The following DHRSX variants were observed in gnomAD, a reference collection of about 807,000 sequenced individuals.
DHRSX encodes the protein polyprenol dehydrogenase.
In DHRSX, 31 loss-of-function variants were observed where a neutral mutation model predicts 34.0. The ratio of observed to expected loss-of-function variants is 0.91; its 90% CI spans 0.69 to 1.23. The LOEUF (loss-of-function observed/expected upper bound fraction) is 1.23. Among genes scored for constraint, DHRSX ranks in the 50% most tolerant of loss-of-function variants. The probability of loss-of-function intolerance (pLI) is 0.00; values close to 1 mark genes in which losing one functional copy is unlikely to be tolerated. For synonymous variants in DHRSX, 201 were observed against 183.8 expected, an observed-to-expected ratio of 1.09 and a Z score of -0.76; for missense variants, 414 against 428.1, an observed-to-expected ratio of 0.97 and a Z score of 0.29.
At chrX:2,334,237 C>T (rs2042522486) in intron 3 of DHRSX, 1 of 139,278 alleles carries the variant, frequency 7.2e-6, no homozygotes, top group Admixed American at 7.6e-5. Flanking sequence ...GATCTTGGCT[C>T]ACTGCAACCT....
intron 3 of DHRSX, among the ~76,000 whole-genome samples, chrX:2,352,616 C>A (rs1423692585): frequency 6.6e-6 from 1 of 152,142 alleles, no homozygotes; most frequent in Non-Finnish European, 1.5e-5. Flanking sequence ...TGTCTGCAGG[C>A]GTAGCTGCTG....
intron 2 of DHRSX, among the ~76,000 whole-genome samples, chrX:2,410,735 A>G (rs4892850): frequency 0.78 from 119,256 of 152,172 alleles, 47,821 homozygotes; most frequent in African/African-American, 0.95. Flanking sequence ...AAATATATAA[A>G]AGAGGAGAAG....
intron 1 of DHRSX, among the ~76,000 whole-genome samples, chrX:2,445,023 G>A (rs1028546381): frequency 4.3e-4 from 66 of 152,070 alleles, no homozygotes; most frequent in African/African-American, 1.5e-3. Context: ...TGGGCCTGGT[G>A]GCGGACACCG....
At chrX:2,255,538 A>G (rs2041264872) in intron 5 of DHRSX, among the ~76,000 whole-genome samples, 1 of 152,224 alleles carries the variant, frequency 6.6e-6, no homozygotes, top group Non-Finnish European at 1.5e-5. Flanking sequence ...CCATGTTCAC[A>G]GTGAGGCACG....
intron 2 of DHRSX, among the ~76,000 whole-genome samples, chrX:2,413,580 AATAG>A (rs1255930006): frequency 2.0e-5 from 3 of 152,234 alleles, no homozygotes; most frequent in Non-Finnish European, 4.4e-5. Flanking sequence ...AAAATAAGTA[AATAG>A]ATAATTAAAT....
In DHRSX at chrX:2,393,787, AC is replaced by A. The variant is rs2043372906; in HGVS notation, c.286+14957del. On this transcript the variant is annotated intron_variant, in intron 3 of 6. Transcript: ENST00000334651. ...TCTCCTGGGCACACAACACCCAGGGACCTCCCTGTCTCCTGCACACACGACA... is the reference window on the plus strand; with the variant it reads ...TCTCCTGGGCACACAACACCCAGGGACTCCCTGTCTCCTGCACACACGACA... Among the ~76,000 whole-genome samples, 4 of 42,436 alleles carry A rather than the reference AC, an allele frequency of 9.4e-5. 1 individual carries two copies. The highest frequency in any genetic ancestry group is 3.6e-4 in the African/African-American group (4 of 11,050). 27.8% of individuals were successfully genotyped at this position (42,436 alleles called of 152,430 possible). A position where few individuals can be genotyped will look rare whatever the true frequency, so the allele number is the denominator to read the frequency against.
chrX:2,251,027 C>T (rs1390095478), intron 5 of DHRSX, among the ~76,000 whole-genome samples: 1 of 152,132 alleles, frequency 6.6e-6, no homozygotes, highest in Non-Finnish European at 1.5e-5. Flanking sequence ...GTGCAAAAGG[C>T]ATGTTTGAAT....
intron 1 of DHRSX, among the ~76,000 whole-genome samples, chrX:2,431,756 G>A (rs2043926259): frequency 6.6e-6 from 1 of 152,150 alleles, no homozygotes; most frequent in Non-Finnish European, 1.5e-5. Context: ...GCAATTCAAT[G>A]GGGCAAGGAA....
chrX:2,307,158 G>GC (rs1360122660), intron 3 of DHRSX, among the ~76,000 whole-genome samples: 8 of 152,050 alleles, frequency 5.3e-5, no homozygotes, highest in African/African-American at 1.9e-4. Context: ...CATGTTTTTA[G>GC]CAGCAACACA....
chrX:2,446,007 G>A (rs1328967389), intron 1 of DHRSX, among the ~76,000 whole-genome samples: 2 of 151,642 alleles, frequency 1.3e-5, no homozygotes, highest in Non-Finnish European at 2.9e-5. Flanking sequence ...TGCAGCCAAG[G>A]GACCGCTGCT....
intron 3 of DHRSX, among the ~76,000 whole-genome samples, chrX:2,347,469 G>A (rs1444534944): frequency 1.3e-5 from 2 of 152,150 alleles, no homozygotes; most frequent in Non-Finnish European, 2.9e-5. Context: ...CAACACAGGT[G>A]GATCACCTGA....
intron 3 of DHRSX, among the ~76,000 whole-genome samples, chrX:2,396,995 T>A (rs1339965333): frequency 6.6e-6 from 1 of 152,068 alleles, no homozygotes; most frequent in Non-Finnish European, 1.5e-5. Context: ...AGCTTCTTTT[T>A]ACTATTATTC....
intron 1 of DHRSX, among the ~76,000 whole-genome samples, chrX:2,465,503 T>C (rs2044478875): frequency 6.6e-6 from 1 of 151,866 alleles, no homozygotes; most frequent in African/African-American, 2.4e-5. Flanking sequence ...CAGCACCTCT[T>C]ATGAAAAGAA....
At chrX:2,263,827 A>C (rs1194065218) in intron 5 of DHRSX, among the ~76,000 whole-genome samples, 1 of 152,154 alleles carries the variant, frequency 6.6e-6, no homozygotes, top group Non-Finnish European at 1.5e-5. Context: ...ATTTTTTCTT[A>C]TATCAGCTTA....
intron 5 of DHRSX, among the ~76,000 whole-genome samples, chrX:2,245,915 T>C (rs1375682504): frequency 5.4e-5 from 8 of 148,504 alleles, no homozygotes; most frequent in African/African-American, 2.0e-4. Flanking sequence ...TGAGCTGAGA[T>C]TGTACCACTG....
intron 3 of DHRSX, among the ~76,000 whole-genome samples, chrX:2,404,636 T>C: frequency 6.6e-6 from 1 of 152,310 alleles, no homozygotes; most frequent in South Asian, 2.1e-4. Context: ...TCATAAAACA[T>C]ATTATTCCTT....
chrX:2,437,688 AGAGAGAGAGAGTGTGTGTGT>A (rs1458588767), intron 1 of DHRSX, among the ~76,000 whole-genome samples: 26 of 67,050 alleles, frequency 3.9e-4, no homozygotes, highest in African/African-American at 1.8e-3. Context: ...AGAGAGAGAG[AGAGAGAGAGAGTGTGTGTGT>A]GTGTGTGTGT....
intron 3 of DHRSX, among the ~76,000 whole-genome samples, chrX:2,356,195 G>T (rs988581726): frequency 7.2e-5 from 11 of 151,978 alleles, no homozygotes; most frequent in African/African-American, 2.4e-4. Flanking sequence ...GGCCAACATG[G>T]TGAAACACTG....
chrX:2,294,060 G>C (rs1359199670), intron 3 of DHRSX, among the ~76,000 whole-genome samples: 1 of 151,172 alleles, frequency 6.6e-6, no homozygotes, highest in Admixed American at 6.6e-5. Context: ...GATAGAAGCA[G>C]AGAGAGAGAG....
Sources: allele counts gnomAD v4.1 joint callset (sites outside exome capture counted in the v4.1 genomes callset), GRCh38; gene constraint gnomAD v4.1.1; transcripts MANE v1.5; gene names NCBI Gene and HGNC (gene_info 2026-07-23, HGNC 2026-07-21).